The following SLIT3 variants were observed in gnomAD, a reference collection of about 807,000 sequenced individuals.
SLIT3 encodes slit guidance ligand 3.
Under a neutral mutation model 184.0 loss-of-function variants are expected in SLIT3, and 68 were observed. The observed-to-expected ratio is 0.37, with a 90% CI of 0.30 to 0.45. The LOEUF is 0.45. SLIT3 is among the 20% of genes least tolerant of loss of function. The probability of loss-of-function intolerance (pLI) is 1.00; values close to 1 mark genes in which losing one functional copy is unlikely to be tolerated. For synonymous variants in SLIT3, 831 were observed against 828.6 expected (o/e 1.00, Z -0.05); for missense variants, 1,707 against 2,026.0 (o/e 0.84, Z 3.02).
Position 168,753,993 on chromosome 5 carries a change from T to C in SLIT3, c.1700A>G (p.Asn567Ser). 6.3e-7 allele frequency: 1 copy of C among 1,592,538 alleles called. No homozygotes were observed. The highest frequency in any genetic ancestry group is 8.5e-7 in the Non-Finnish European group (1 of 1,172,378). ...PNLRKINLSN[N>S]KIKEVREGAF... is the part of the protein sequence containing the mutation. ...TCCCTCTCGCACCTCCTTGATCTTA[T>C]TGTTACTCAGATTTCTAGAAGGAAG... The change falls in exon 17 of 36, where the codon AAT (asparagine) becomes AGT (serine). Residue 567 changes from asparagine to serine, a missense_variant. Asn to Ser is a conservative substitution (Grantham distance 46). Coordinates refer to ENST00000519560, the MANE Select transcript of SLIT3 (RefSeq NM_003062.4).
chr5:168,666,978 A>G (rs989859818), intron 35 of SLIT3, among the ~76,000 whole-genome samples: 2 of 152,220 alleles, frequency 1.3e-5, no homozygotes, highest in Non-Finnish European at 2.9e-5. Flanking sequence ...CTAAAACTAG[A>G]TGACGCAAAC....
At chr5:168,689,239 T>C (rs560904299) in intron 29 of SLIT3, among the ~76,000 whole-genome samples, 13 of 152,364 alleles carry the variant, frequency 8.5e-5, no homozygotes, top group African/African-American at 3.1e-4. Flanking sequence ...CAAGGACCTA[T>C]ATAGTACTTC....
intron 1 of SLIT3, among the ~76,000 whole-genome samples, chr5:169,260,328 T>G (rs893006202): frequency 2.6e-5 from 4 of 152,114 alleles, no homozygotes; most frequent in African/African-American, 9.7e-5. Flanking sequence ...GTTTCAGTTA[T>G]GCACTCACTA....
At position 169,124,096 on chromosome 5, in the gene SLIT3, T is replaced by C. The variant is rs541285727; in HGVS notation, c.413+69383A>G. Among the ~76,000 whole-genome samples the C allele has an allele frequency of 2.0e-5, 3 of 152,266 alleles. 1 individual carries two copies. In the South Asian group the frequency reaches 6.2e-4, roughly 32 times the overall value. ...TTGGCTCCTTCTGACTTCTTTTTAC[T>C]TCCTAGTCTTAAAATCTGTAAAGGG... On this transcript the variant is annotated intron_variant, in intron 4 of 35. Coordinates refer to ENST00000519560, the MANE Select transcript of SLIT3 (RefSeq NM_003062.4).
chr5:168,802,565 A>G (rs1316913706), intron 9 of SLIT3, among the ~76,000 whole-genome samples: 1 of 152,228 alleles, frequency 6.6e-6, no homozygotes, highest in Non-Finnish European at 1.5e-5. Flanking sequence ...ATACATTTGC[A>G]TGAAGATGAG....
At chr5:169,132,226 A>AG (rs1315136486) in intron 4 of SLIT3, among the ~76,000 whole-genome samples, 1 of 152,176 alleles carries the variant, frequency 6.6e-6, no homozygotes, top group Non-Finnish European at 1.5e-5. Context: ...GGTATGACAG[A>AG]GGGCTGAAGA....
At chr5:168,840,769 A>C (rs962537416) in intron 6 of SLIT3, among the ~76,000 whole-genome samples, 8 of 152,232 alleles carry the variant, frequency 5.3e-5, no homozygotes, top group Non-Finnish European at 1.2e-4. Context: ...AAGAACCTTA[A>C]ATGCCACAAA....
chr5:168,980,814 A>T (rs1413214761), intron 4 of SLIT3, among the ~76,000 whole-genome samples: 1 of 152,242 alleles, frequency 6.6e-6, no homozygotes, highest in Non-Finnish European at 1.5e-5. Flanking sequence ...ATAGAATACC[A>T]TGCAAGTATT....
At chr5:169,139,590 C>T (rs1382210351) in intron 4 of SLIT3, among the ~76,000 whole-genome samples, 1 of 152,318 alleles carries the variant, frequency 6.6e-6, no homozygotes, top group South Asian at 2.1e-4. Context: ...TAGCCCACCC[C>T]CCCAGGGGCT....
At chr5:168,880,826 T>C (rs1448053920) in intron 5 of SLIT3, among the ~76,000 whole-genome samples, 2 of 152,242 alleles carry the variant, frequency 1.3e-5, no homozygotes, top group Admixed American at 6.5e-5. Flanking sequence ...AGCTGTCTGT[T>C]CCTTCTGAGC....
chr5:168,984,742 CT>C, intron 4 of SLIT3, among the ~76,000 whole-genome samples: 1 of 152,040 alleles, frequency 6.6e-6, no homozygotes, highest in Non-Finnish European at 1.5e-5. Context: ...TAATATAAGG[CT>C]GATTATCAGT....
chr5:169,254,472 A>ATTTC (rs903028703), intron 1 of SLIT3, among the ~76,000 whole-genome samples: 1 of 149,258 alleles, frequency 6.7e-6, no homozygotes. Context: ...CATGTCTGCC[A>ATTTC]TTTCTTTCTT....
At chr5:169,196,636 G>T (rs1415300828) in intron 3 of SLIT3, among the ~76,000 whole-genome samples, 1 of 152,156 alleles carries the variant, frequency 6.6e-6, no homozygotes, top group Non-Finnish European at 1.5e-5. Flanking sequence ...CCATCCCCAA[G>T]GCCACAATGT....
At chr5:168,693,124 A>G (rs904043550) in intron 28 of SLIT3, among the ~76,000 whole-genome samples, 1 of 152,230 alleles carries the variant, frequency 6.6e-6, no homozygotes, top group African/African-American at 2.4e-5. Flanking sequence ...CACAACAGTG[A>G]CTGGGTCCTT....
chr5:168,906,341 C>T (rs926235940), intron 4 of SLIT3, among the ~76,000 whole-genome samples: 1 of 152,148 alleles, frequency 6.6e-6, no homozygotes, highest in Admixed American at 6.5e-5. Context: ...TTATTGGGAG[C>T]TATTCTCAAA....
chr5:169,191,278 T>C (rs1763541914), intron 4 of SLIT3, among the ~76,000 whole-genome samples: 1 of 152,266 alleles, frequency 6.6e-6, no homozygotes, highest in African/African-American at 2.4e-5. Flanking sequence ...GGAGTGCCTA[T>C]GTGTGCCGAG....
intron 4 of SLIT3, among the ~76,000 whole-genome samples, chr5:168,960,818 C>A (rs769406758): frequency 6.6e-6 from 1 of 152,180 alleles, no homozygotes; most frequent in Non-Finnish European, 1.5e-5. Context: ...AGTCATAGAA[C>A]CTAAAGCTGG....
intron 5 of SLIT3, among the ~76,000 whole-genome samples, chr5:168,879,261 C>T (rs1335664263): frequency 6.6e-6 from 1 of 152,104 alleles, no homozygotes; most frequent in Non-Finnish European, 1.5e-5. Flanking sequence ...AGCTCACACA[C>T]TGTGGTGGAG....
intron 4 of SLIT3, among the ~76,000 whole-genome samples, chr5:169,086,872 G>A (rs1213426263): frequency 6.6e-6 from 1 of 152,188 alleles, no homozygotes; most frequent in Non-Finnish European, 1.5e-5. Context: ...CTAACAGGGG[G>A]ACATCCAAAG....
Sources: allele counts gnomAD v4.1 joint callset (sites outside exome capture counted in the v4.1 genomes callset), GRCh38; gene constraint gnomAD v4.1.1; transcripts MANE v1.5; gene names NCBI Gene and HGNC (gene_info 2026-07-23, HGNC 2026-07-21).